The following DENND4A variants were observed in gnomAD, a reference collection of about 807,000 sequenced individuals.
The protein encoded by DENND4A is C-myc promoter-binding protein.
A neutral mutation model predicts 199.3 loss-of-function variants in DENND4A; 70 were observed. That is an observed-to-expected ratio of 0.35 (90% confidence interval 0.29 to 0.43). The LOEUF is 0.43. Among genes scored for constraint, DENND4A ranks in the 20% least tolerant of loss-of-function variants. DENND4A has a pLI of 1.00. For missense variants in DENND4A, 1,723 were observed against 2,255.8 expected (o/e 0.76, Z 4.78); for synonymous variants, 686 against 766.9 (o/e 0.89, Z 1.74).
At chr15:65,701,244 C>A in intron 18 of DENND4A, 52 bp from the exon 19 acceptor site, 1 of 1,384,306 alleles carries the variant, frequency 7.2e-7, no homozygotes, top group Non-Finnish European at 9.6e-7. Flanking sequence ...TATAAGTGAA[C>A]ATATATTGGT....
At chr15:65,729,283 T>C (rs2075892878) in intron 10 of DENND4A, 36 bp from the exon 11 acceptor site, 1 of 1,549,752 alleles carries the variant, frequency 6.5e-7, no homozygotes. Flanking sequence ...AATTTAGCTT[T>C]TTAACACTGA....
At chr15:65,669,736 A>G in intron 27 of DENND4A, 43 bp downstream of exon 27, 2 of 1,507,336 alleles carry the variant, frequency 1.3e-6, no homozygotes, top group Non-Finnish European at 9.0e-7. Context: ...AAATATGTGT[A>G]AATATATGTT....
intron 22 of DENND4A, among the ~76,000 whole-genome samples, chr15:65,695,030 TATA>T (rs2077096170): frequency 6.6e-6 from 1 of 152,234 alleles, no homozygotes; most frequent in Non-Finnish European, 1.5e-5. Context: ...TATCAAGAGT[TATA>T]ATTAGAAAAT....
intron 1 of DENND4A, among the ~76,000 whole-genome samples, chr15:65,774,868 C>CT (rs397854207): frequency 0.23 from 25,850 of 111,994 alleles, 3,452 homozygotes; most frequent in African/African-American, 0.36. Flanking sequence ...CAAATGTTTA[C>CT]TTTTTTTTTT....
intron 32 of DENND4A, among the ~76,000 whole-genome samples, chr15:65,663,487 G>A (rs2075939587): frequency 6.6e-6 from 1 of 151,704 alleles, no homozygotes; most frequent in South Asian, 2.1e-4. Flanking sequence ...GGGATTACAG[G>A]CGTGAACCAC....
At position 65,702,463 on chromosome 15, in the gene DENND4A, G is replaced by A; in HGVS notation, c.2272C>T (p.Gln758Ter). 1 of 1,598,326 alleles carries A rather than the reference G, an allele frequency of 6.3e-7. No homozygotes were observed. The highest frequency in any genetic ancestry group is 8.5e-7 in the Non-Finnish European group (1 of 1,172,276). Reference sequence around the variant, plus strand: ...CGCAGTAGACACCTAGACCACATCTGAGGGATGGAAGAGTACCTCTTTGCA... The same window carrying A: ...CGCAGTAGACACCTAGACCACATCTAAGGGATGGAAGAGTACCTCTTTGCA... ...KIAKRYSSIP[Q>*]MWSRCLLRHC... The change falls in exon 17 of 33, where the codon CAG becomes TAG. Residue 758 changes from glutamine (Q) to a stop codon, truncating the protein, a stop_gained. Coordinates refer to ENST00000443035, the MANE Select transcript of DENND4A (RefSeq NM_001320835.1). LOFTEE classifies it high-confidence loss of function.
intron 8 of DENND4A, 146 bp downstream of exon 8, chr15:65,732,606 C>T: frequency 2.1e-6 from 1 of 481,886 alleles, no homozygotes; most frequent in Non-Finnish European, 3.7e-6. Flanking sequence ...ACATTAAGGG[C>T]CCAAACTACA....
chr15:65,784,365 G>C (rs1331618865), intron 1 of DENND4A, among the ~76,000 whole-genome samples: 1 of 151,890 alleles, frequency 6.6e-6, no homozygotes, highest in Admixed American at 6.6e-5. Context: ...ATTTTAGTTA[G>C]TAGTAATGTA....
At chr15:65,712,565 T>C (rs2075282044) in intron 14 of DENND4A, among the ~76,000 whole-genome samples, 1 of 152,218 alleles carries the variant, frequency 6.6e-6, no homozygotes, top group African/African-American at 2.4e-5. Flanking sequence ...AGTATGTTTT[T>C]CCTAGTACAC....
At chr15:65,789,935 T>A (rs2077670371) in intron 1 of DENND4A, among the ~76,000 whole-genome samples, 1 of 152,124 alleles carries the variant, frequency 6.6e-6, no homozygotes, top group Non-Finnish European at 1.5e-5. Context: ...GCGGGCAGAT[T>A]GCTTGGGCTC....
At chr15:65,708,632 G>A (rs544317776) in intron 14 of DENND4A, among the ~76,000 whole-genome samples, 1 of 151,770 alleles carries the variant, frequency 6.6e-6, no homozygotes, top group Non-Finnish European at 1.5e-5. Flanking sequence ...TGTCTCTATC[G>A]AGAGAAAAAG....
chr15:65,750,318 G>A (rs1596598751), intron 4 of DENND4A, among the ~76,000 whole-genome samples: 2 of 152,056 alleles, frequency 1.3e-5, no homozygotes, highest in South Asian at 4.2e-4. Flanking sequence ...AACAAAAGAC[G>A]CTGGGGACTA....
At chr15:65,769,817 A>G (rs1194907877) in intron 1 of DENND4A, among the ~76,000 whole-genome samples, 1 of 152,186 alleles carries the variant, frequency 6.6e-6, no homozygotes, top group Non-Finnish European at 1.5e-5. Flanking sequence ...AGTACCAAAG[A>G]TATGTTTATG....
At chr15:65,676,709 A>G in intron 23 of DENND4A, 75 bp from the exon 24 acceptor site, 1 of 1,156,210 alleles carries the variant, frequency 8.6e-7, no homozygotes, top group Non-Finnish European at 1.2e-6. Context: ...CTAAGGCAGA[A>G]AAAACACTTA....
chr15:65,724,644 T>C (rs1056430783), intron 11 of DENND4A, among the ~76,000 whole-genome samples: 1 of 152,158 alleles, frequency 6.6e-6, no homozygotes, highest in Non-Finnish European at 1.5e-5. Flanking sequence ...ATGACTGTCT[T>C]GGAATTTGTC....
At chr15:65,681,689 C>T (rs770556230) in intron 23 of DENND4A, among the ~76,000 whole-genome samples, 17 of 151,902 alleles carry the variant, frequency 1.1e-4, no homozygotes, top group Non-Finnish European at 2.2e-4. Context: ...GATTCTCCCA[C>T]CTCCGCTTCC....
chr15:65,732,970 AT>A (rs2076006431), intron 7 of DENND4A, among the ~76,000 whole-genome samples, 152 bp from the exon 8 acceptor site: 1 of 152,162 alleles, frequency 6.6e-6, no homozygotes, highest in African/African-American at 2.4e-5. Context: ...ACAACCAAAA[AT>A]CATTCATCCC....
intron 3 of DENND4A, among the ~76,000 whole-genome samples, chr15:65,753,352 C>T (rs914012485): frequency 1.3e-5 from 2 of 151,922 alleles, no homozygotes; most frequent in African/African-American, 4.8e-5. Flanking sequence ...ATAAAATAAG[C>T]TATATATGGT....
At chr15:65,693,304 T>C (rs1307402961) in intron 22 of DENND4A, among the ~76,000 whole-genome samples, 1 of 152,186 alleles carries the variant, frequency 6.6e-6, no homozygotes, top group Non-Finnish European at 1.5e-5. Flanking sequence ...CCCATTCTTT[T>C]TGGCTTGATC....
Sources: gnomAD v4.1 joint callset for allele counts (sites outside exome capture counted in the v4.1 genomes callset) on GRCh38, gnomAD v4.1.1 for gene constraint, MANE v1.5 for transcripts, NCBI Gene and HGNC (gene_info 2026-07-23, HGNC 2026-07-21) for gene names.